The following IL1RAPL2 variants were observed in gnomAD, a reference collection of about 807,000 sequenced individuals.
The protein encoded by IL1RAPL2 is interleukin 1 receptor accessory protein like 2.
IL1RAPL2 carries 3 observed loss-of-function variants against 44.1 expected under a neutral mutation model. The ratio of observed to expected loss-of-function variants is 0.07; its 90% CI spans 0.03 to 0.18. The LOEUF is 0.18. IL1RAPL2 is among the 10% of genes least tolerant of loss of function. IL1RAPL2 has a pLI of 1.00. For synonymous variants in IL1RAPL2, 181 were observed against 178.8 expected, an observed-to-expected ratio of 1.01 and a Z score of -0.10; for missense variants, 391 against 496.4, an observed-to-expected ratio of 0.79 and a Z score of 2.02.
chrX:105,217,368 A>G (rs1346181201), intron 3 of IL1RAPL2, among the ~76,000 whole-genome samples: 4 of 112,400 alleles, frequency 3.6e-5, no homozygotes, highest in African/African-American at 1.3e-4. Flanking sequence ...ATCACTGGCC[A>G]TCAGGGAAAT....
In IL1RAPL2 at chrX:105,457,503, T is replaced by C. The variant is rs943899873; in HGVS notation, c.698-26810T>C. ...ACCTCATATAAGTGTAATCATACAA[T>C]ATTTGTCTTTATGTGTCTGGCTTAC... On this transcript the variant is annotated intron_variant, in intron 5 of 10. Coordinates refer to ENST00000372582, the MANE Select transcript of IL1RAPL2 (RefSeq NM_017416.2). Among the ~76,000 whole-genome samples the C allele has an allele frequency of 2.7e-5, 3 of 110,421 alleles. No individual in the cohort carries two copies. In the Admixed American group the frequency reaches 2.9e-4, roughly 11 times the overall value.
intron 1 of IL1RAPL2, among the ~76,000 whole-genome samples, chrX:104,568,935 A>G (rs1928093535): frequency 8.9e-6 from 1 of 111,871 alleles, no homozygotes; most frequent in African/African-American, 3.2e-5. Flanking sequence ...TAGCTCTCCA[A>G]TTTGAGGGCT....
intron 5 of IL1RAPL2, among the ~76,000 whole-genome samples, chrX:105,322,115 G>A (rs369573952): frequency 3.5e-5 from 4 of 112,722 alleles, no homozygotes; most frequent in East Asian, 2.8e-4. Flanking sequence ...TGCTCCCTTG[G>A]TGAAGGTTTG....
chrX:105,258,124 G>A (rs1314392710), intron 4 of IL1RAPL2, among the ~76,000 whole-genome samples: 1 of 111,781 alleles, frequency 8.9e-6, no homozygotes, highest in Non-Finnish European at 1.9e-5. Context: ...GGCAGTTCTG[G>A]TGGTAATGAA....
intron 1 of IL1RAPL2, among the ~76,000 whole-genome samples, chrX:104,636,821 C>T (rs1222374825): frequency 8.9e-6 from 1 of 112,175 alleles, no homozygotes; most frequent in East Asian, 2.8e-4. Flanking sequence ...CCTGCTTTGG[C>T]TCATGCTCAG....
chrX:105,184,369 A>G (rs1370431108), intron 2 of IL1RAPL2, among the ~76,000 whole-genome samples: 1 of 110,277 alleles, frequency 9.1e-6, no homozygotes, highest in African/African-American at 3.3e-5. Context: ...ATATAATTAA[A>G]CTATTGCAGT....
At chrX:105,587,521 C>G (rs2037137645) in intron 6 of IL1RAPL2, among the ~76,000 whole-genome samples, 1 of 111,018 alleles carries the variant, frequency 9.0e-6, no homozygotes, top group South Asian at 3.7e-4. Context: ...CTTCTGCTTT[C>G]TCTTAGTTTA....
chrX:105,740,415 T>G (rs1311856405), intron 7 of IL1RAPL2, 131 bp from the exon 8 acceptor site: 1 of 571,303 alleles, frequency 1.8e-6, no homozygotes, highest in Non-Finnish European at 2.8e-6. Flanking sequence ...CACCCACACA[T>G]ACACCCAGCC....
chrX:105,415,400 T>C (rs978795154), intron 5 of IL1RAPL2, among the ~76,000 whole-genome samples: 4 of 111,472 alleles, frequency 3.6e-5, no homozygotes, highest in African/African-American at 1.3e-4. Context: ...GTTACTGCTA[T>C]ACCTACTCTC....
At chrX:104,894,171 T>A (rs896092349) in intron 2 of IL1RAPL2, among the ~76,000 whole-genome samples, 1 of 112,138 alleles carries the variant, frequency 8.9e-6, no homozygotes, top group African/African-American at 3.2e-5. Flanking sequence ...TTTGATGGGC[T>A]TCCCTTTGTG....
intron 2 of IL1RAPL2, among the ~76,000 whole-genome samples, chrX:104,708,431 A>G (rs1031936992): frequency 9.0e-6 from 1 of 110,569 alleles, no homozygotes; most frequent in Non-Finnish European, 1.9e-5. Flanking sequence ...TTTTGATGAC[A>G]TTGCTTTCCA....
intron 6 of IL1RAPL2, among the ~76,000 whole-genome samples, chrX:105,600,145 C>G (rs907582343): frequency 9.0e-6 from 1 of 110,955 alleles, no homozygotes; most frequent in Non-Finnish European, 1.9e-5. Flanking sequence ...AATGCCTCAT[C>G]ATTGTAAATT....
At chrX:104,823,647 C>T (rs868359098) in intron 2 of IL1RAPL2, among the ~76,000 whole-genome samples, 42 of 109,019 alleles carry the variant, frequency 3.9e-4, no homozygotes, top group East Asian at 1.4e-3. Context: ...ATGGTATTTC[C>T]AGTTCTAGAT....
At position 105,247,419 on chromosome X, in the gene IL1RAPL2, G is replaced by A. The variant is rs1273586607; in HGVS notation, c.543+13415G>A. ...TTACTCCAGAAACAAATCCTGTAAT[G>A]CTTTCTAAGGACTCTTTAATGACTC... On this transcript the variant is annotated intron_variant, in intron 4 of 10. Coordinates refer to ENST00000372582, the MANE Select transcript of IL1RAPL2 (RefSeq NM_017416.2). 4.5e-5 allele frequency among the ~76,000 whole-genome samples: 5 copies of A among 110,878 alleles called. No homozygotes were observed. In the East Asian group the frequency reaches 1.4e-3, roughly 31 times the overall value.
At chrX:105,734,135 T>A (rs1164456405) in intron 7 of IL1RAPL2, among the ~76,000 whole-genome samples, 1 of 111,074 alleles carries the variant, frequency 9.0e-6, no homozygotes, top group African/African-American at 3.3e-5. Flanking sequence ...TTGCAGGTTT[T>A]TTTTTTGCAA....
intron 1 of IL1RAPL2, among the ~76,000 whole-genome samples, chrX:104,601,381 G>A (rs772298069): frequency 1.8e-4 from 20 of 109,833 alleles, no homozygotes; most frequent in Non-Finnish European, 3.2e-4. Context: ...GTGGTGTTTG[G>A]TTTTTTGTCC....
At chrX:104,661,811 T>C (rs1378789751) in intron 2 of IL1RAPL2, among the ~76,000 whole-genome samples, 1 of 112,020 alleles carries the variant, frequency 8.9e-6, no homozygotes, top group Non-Finnish European at 1.9e-5. Context: ...ATGTTCATCA[T>C]GGAATCACTA....
chrX:104,632,176 G>T (rs1442067693), intron 1 of IL1RAPL2, among the ~76,000 whole-genome samples: 1 of 110,995 alleles, frequency 9.0e-6, no homozygotes, highest in African/African-American at 3.3e-5. Flanking sequence ...ATTTCTGAGG[G>T]CTCTGTTCTG....
chrX:105,102,200 C>T (rs1255403569), intron 2 of IL1RAPL2, among the ~76,000 whole-genome samples: 1 of 111,304 alleles, frequency 9.0e-6, no homozygotes, highest in Non-Finnish European at 1.9e-5. Flanking sequence ...TCATCCTCTT[C>T]CAGTTTAGCT....
Sources: gnomAD v4.1 joint callset for allele counts (sites outside exome capture counted in the v4.1 genomes callset) on GRCh38, gnomAD v4.1.1 for gene constraint, MANE v1.5 for transcripts, NCBI Gene and HGNC (gene_info 2026-07-23, HGNC 2026-07-21) for gene names.